The following EFCAB13 variants were observed in gnomAD, a reference collection of about 807,000 sequenced individuals.
EFCAB13 encodes EF-hand calcium binding domain 13.
A neutral mutation model predicts 110.2 loss-of-function variants in EFCAB13; 91 were observed. That is an observed-to-expected ratio of 0.83 (90% CI 0.70 to 0.98). The LOEUF (loss-of-function observed/expected upper bound fraction) is 0.98. EFCAB13 is among the 50% of genes least tolerant of loss of function. The probability of loss-of-function intolerance (pLI) is 0.00; values close to 1 mark genes in which losing one functional copy is unlikely to be tolerated. For synonymous variants in EFCAB13, 323 were observed against 369.9 expected (o/e 0.87, Z 1.45); for missense variants, 968 against 1,119.4 (o/e 0.86, Z 1.93).
At chr17:47,342,095 C>T in intron 6 of EFCAB13, 63 bp downstream of exon 6, 1 of 948,936 alleles carries the variant, frequency 1.1e-6, no homozygotes. Context: ...CTCAAACATT[C>T]CCTTAAATTT....
At chr17:47,395,453 T>C (rs2065732047) in intron 16 of EFCAB13, among the ~76,000 whole-genome samples, 1 of 152,122 alleles carries the variant, frequency 6.6e-6, no homozygotes, top group Non-Finnish European at 1.5e-5. Context: ...CAGTGGTAGA[T>C]TGAAGAGGAA....
At chr17:47,396,037 A>G in intron 17 of EFCAB13, 60 bp downstream of exon 17, 1 of 1,432,104 alleles carries the variant, frequency 7.0e-7, no homozygotes, top group Admixed American at 2.0e-5. Flanking sequence ...ATTTTCTGTC[A>G]ACTCTTGTCA....
chr17:47,336,994 A>G (rs1350097250), intron 5 of EFCAB13, among the ~76,000 whole-genome samples: 3 of 152,206 alleles, frequency 2.0e-5, no homozygotes, highest in Admixed American at 6.5e-5. Context: ...ACACATTGTG[A>G]TTGGAGAGGC....
chr17:47,397,405 C>A (rs1005196600), intron 17 of EFCAB13, among the ~76,000 whole-genome samples: 92 of 152,118 alleles, frequency 6.0e-4, no homozygotes, highest in African/African-American at 2.1e-3. Flanking sequence ...CCCAAAGTGC[C>A]GAGATTGCAG....
chr17:47,365,982 G>A (rs1164091176), intron 10 of EFCAB13, among the ~76,000 whole-genome samples: 1 of 152,112 alleles, frequency 6.6e-6, no homozygotes, highest in Non-Finnish European at 1.5e-5. Flanking sequence ...GGGTCACCCA[G>A]GTAGGAGATG....
At chr17:47,347,578 G>A (rs766812150) in intron 8 of EFCAB13, among the ~76,000 whole-genome samples, 4 of 152,264 alleles carry the variant, frequency 2.6e-5, no homozygotes, top group Non-Finnish European at 5.9e-5. Flanking sequence ...CTTTGCCTAT[G>A]TGCCCTTGTG....
rs532371539 is a variant in EFCAB13, at chr17:47,386,438, G to A, written c.1583-4999G>A. Reference sequence around the variant, plus strand: ...GTCCGAACTTCCAGGCCTTTTTAGCGCTGTCAGGGGAAAACAAGCCTCAGT... The same window carrying A: ...GTCCGAACTTCCAGGCCTTTTTAGCACTGTCAGGGGAAAACAAGCCTCAGT... On this transcript the variant is annotated intron_variant, in intron 14 of 24. Coordinates refer to ENST00000331493, the MANE Select transcript of EFCAB13 (RefSeq NM_152347.5). Among the ~76,000 whole-genome samples, 26 of 152,220 alleles carry A rather than the reference G, an allele frequency of 1.7e-4. 1 individual carries two copies. The South Asian group carries it at 2.7e-3, about 16-fold the overall frequency.
intron 23 of EFCAB13, among the ~76,000 whole-genome samples, chr17:47,420,538 TGAG>T (rs1327880319): frequency 4.0e-5 from 6 of 151,542 alleles, no homozygotes; most frequent in Non-Finnish European, 8.8e-5. Flanking sequence ...ATCTAGGAAG[TGAG>T]GAGCGTCTCT....
chr17:47,383,095 T>C (rs2065656068), intron 14 of EFCAB13, among the ~76,000 whole-genome samples: 1 of 152,208 alleles, frequency 6.6e-6, no homozygotes, highest in African/African-American at 2.4e-5. Context: ...TATTCTCTGA[T>C]GGTAGTTTGT....
intron 23 of EFCAB13, among the ~76,000 whole-genome samples, chr17:47,428,667 A>C (rs931244689): frequency 6.6e-6 from 1 of 152,152 alleles, no homozygotes; most frequent in African/African-American, 2.4e-5. Flanking sequence ...ATGTTATTTC[A>C]ATTGAATATT....
chr17:47,437,568 A>C (rs1905236817), intron 24 of EFCAB13, among the ~76,000 whole-genome samples: 1 of 152,142 alleles, frequency 6.6e-6, no homozygotes, highest in South Asian at 2.1e-4. Flanking sequence ...GTCTGATGTA[A>C]GGATAGCTAC....
At chr17:47,384,154 T>G (rs1215613191) in intron 14 of EFCAB13, among the ~76,000 whole-genome samples, 2 of 151,228 alleles carry the variant, frequency 1.3e-5, no homozygotes, top group African/African-American at 4.9e-5. Flanking sequence ...AGTTTTTTTT[T>G]TTTGTTTTTT....
chr17:47,440,172 C>T (rs1000902510), intron 24 of EFCAB13, among the ~76,000 whole-genome samples: 2 of 152,036 alleles, frequency 1.3e-5, no homozygotes, highest in African/African-American at 4.8e-5. Context: ...GAAGATGAGA[C>T]TGGTGGCATA....
intron 9 of EFCAB13, among the ~76,000 whole-genome samples, chr17:47,359,698 A>C (rs1252063098): frequency 6.6e-6 from 1 of 150,486 alleles, no homozygotes; most frequent in Non-Finnish European, 1.5e-5. Flanking sequence ...ATATGTATAC[A>C]TGTGCCATGC....
Position 47,341,950 on chromosome 17 carries a change from A to G in EFCAB13, c.221A>G (p.Glu74Gly), listed in dbSNP as rs1453243803. 6.3e-7 allele frequency: 1 copy of G among 1,593,064 alleles called. No individual in the cohort carries two copies. The highest frequency in any genetic ancestry group is 8.6e-7 in the Non-Finnish European group (1 of 1,168,108). Reference protein sequence around the residue: ...IFETSIIFCGEEKSSDFSGEK... With the variant: ...IFETSIIFCGGEKSSDFSGEK... ...GAAACATCAATAATCTTTTGTGGAG[A>G]AGAAAAGTCCTCTGATTTTTCAGGA... Residue 74 changes from glutamate to glycine, a missense_variant, in exon 6 of 25, where the codon GAA becomes GGA. By Grantham distance (98) the Glu-to-Gly change is moderately conservative (BLOSUM62 -2). Coordinates refer to ENST00000331493, the MANE Select transcript of EFCAB13 (RefSeq NM_152347.5).
At chr17:47,429,732 A>T in intron 23 of EFCAB13, 86 bp from the exon 24 acceptor site, 1 of 1,412,778 alleles carries the variant, frequency 7.1e-7, no homozygotes, top group Non-Finnish European at 9.4e-7. Flanking sequence ...TTCATATTTT[A>T]TGCAACCTGA....
Position 47,380,857 on chromosome 17 carries a change from G to C in EFCAB13, c.1582+1604G>C, listed in dbSNP as rs1331855129. The stretch of plus-strand genomic sequence containing the variant: ...GATGATGAGCTTTCTTTTCATCTTT[G>C]TTGGCCGCATAAATTGCTTCTTCTT... On this transcript the variant is annotated intron_variant, in intron 14 of 24. Coordinates refer to ENST00000331493, the MANE Select transcript of EFCAB13 (RefSeq NM_152347.5). Among the ~76,000 whole-genome samples, 6 of 144,016 alleles carry C rather than the reference G, an allele frequency of 4.2e-5. No individual in the cohort carries two copies. In the South Asian group the frequency reaches 9.1e-4, roughly 22 times the overall value. The allele number at this position is 144,016 out of a possible 152,430, so 94.5% of individuals were successfully genotyped here.
intron 14 of EFCAB13, among the ~76,000 whole-genome samples, chr17:47,389,048 T>TTTGAGACTGGGTC (rs2065691627): frequency 6.6e-6 from 1 of 152,190 alleles, no homozygotes; most frequent in African/African-American, 2.4e-5. Flanking sequence ...TAATCTTTTT[T>TTTGAGACTGGGTC]TTGAGACTGG....
In EFCAB13 at chr17:47,440,871, A is replaced by T; in HGVS notation, c.*157A>T. ...GTTATGTTCTCATGTATCTTCAGCGACTCTCTTGATCACACTTTTTAAACA... is the reference window on the plus strand; with the variant it reads ...GTTATGTTCTCATGTATCTTCAGCGTCTCTCTTGATCACACTTTTTAAACA... On this transcript the variant is annotated 3_prime_UTR_variant, in exon 25 of 25. Coordinates refer to ENST00000331493, the MANE Select transcript of EFCAB13 (RefSeq NM_152347.5). 9.1e-6 allele frequency: 5 copies of T among 547,402 alleles called. No homozygotes were observed. The highest frequency in any genetic ancestry group is 1.2e-5 in the Non-Finnish European group (4 of 330,960). The allele number at this position is 547,402 out of a possible 1,614,324, so 33.9% of individuals were successfully genotyped here. A position where few individuals can be genotyped will look rare whatever the true frequency, so the allele number is the denominator to read the frequency against.
Sources: allele counts gnomAD v4.1 joint callset (sites outside exome capture counted in the v4.1 genomes callset), GRCh38; gene constraint gnomAD v4.1.1; transcripts MANE v1.5; gene names NCBI Gene and HGNC (gene_info 2026-07-23, HGNC 2026-07-21).